The following GPC5 variants were observed in gnomAD, a reference collection of about 807,000 sequenced individuals.
GPC5 encodes glypican 5.
Under a neutral mutation model 53.9 loss-of-function variants are expected in GPC5, and 47 were observed. The observed-to-expected ratio is 0.87, with a 90% CI of 0.69 to 1.11. The LOEUF (loss-of-function observed/expected upper bound fraction) is 1.11. Ranked by LOEUF, GPC5 falls within the 50% of genes most tolerant of loss-of-function variation. GPC5 has a pLI of 0.00. For missense variants in GPC5, 748 were observed against 713.1 expected (o/e 1.05, Z -0.56); for synonymous variants, 286 against 263.3 (o/e 1.09, Z -0.84).
chr13:92,226,243 C>T (rs557395157), intron 7 of GPC5, among the ~76,000 whole-genome samples: 237 of 152,228 alleles, frequency 1.6e-3, no homozygotes, highest in Non-Finnish European at 2.6e-3. Flanking sequence ...TACCCAGTCT[C>T]GGGGAGTTTA....
intron 7 of GPC5, among the ~76,000 whole-genome samples, chr13:92,757,971 G>C (rs200201670): frequency 0.27 from 39,619 of 148,416 alleles, 6,428 homozygotes; most frequent in East Asian, 0.68. Context: ...ACCCAGCCAT[G>C]CCATTCCTGG....
intron 7 of GPC5, among the ~76,000 whole-genome samples, chr13:92,832,580 C>T (rs1878083535): frequency 6.6e-6 from 1 of 152,160 alleles, no homozygotes; most frequent in African/African-American, 2.4e-5. Context: ...GAAAATGCTG[C>T]TTAGTGCAGT....
At chr13:92,577,418 ATGTGTGTGTGTGTGTG>A (rs56162097) in intron 7 of GPC5, among the ~76,000 whole-genome samples, 1 of 145,346 alleles carries the variant, frequency 6.9e-6, no homozygotes, top group African/African-American at 2.5e-5. Flanking sequence ...ATGTATGTAT[ATGTGTGTGTGTGTGTG>A]TGTGTGTGTG....
chr13:91,786,733 A>C (rs577632381), intron 5 of GPC5, among the ~76,000 whole-genome samples: 1 of 152,298 alleles, frequency 6.6e-6, no homozygotes, highest in Non-Finnish European at 1.5e-5. Flanking sequence ...TGTTATATAC[A>C]ATGTGAATTC....
intron 7 of GPC5, among the ~76,000 whole-genome samples, chr13:92,697,006 G>A (rs1053378927): frequency 1.3e-5 from 2 of 152,072 alleles, no homozygotes; most frequent in Admixed American, 6.5e-5. Context: ...TCTGATGGTT[G>A]TAGATGTGTG....
At chr13:91,673,992 A>G (rs1018918065) in intron 2 of GPC5, among the ~76,000 whole-genome samples, 1 of 152,184 alleles carries the variant, frequency 6.6e-6, no homozygotes, top group African/African-American at 2.4e-5. Flanking sequence ...CAGATGTCCC[A>G]GACTAATATT....
chr13:91,850,113 C>A (rs747276258), intron 5 of GPC5, among the ~76,000 whole-genome samples: 1 of 152,110 alleles, frequency 6.6e-6, no homozygotes, highest in Admixed American at 6.6e-5. Flanking sequence ...AGTTACAACA[C>A]TAGTATTTGG....
At chr13:92,542,258 TA>T (rs1233401883) in intron 7 of GPC5, among the ~76,000 whole-genome samples, 11 of 152,074 alleles carry the variant, frequency 7.2e-5, no homozygotes, top group Admixed American at 2.6e-4. Flanking sequence ...TCTACAGTGC[TA>T]TGGAACACTA....
intron 1 of GPC5, among the ~76,000 whole-genome samples, chr13:91,438,958 G>A (rs753421382): frequency 3.3e-5 from 5 of 152,248 alleles, no homozygotes; most frequent in Non-Finnish European, 5.9e-5. Context: ...GACCCTCCGA[G>A]CCAGGTGCGG....
intron 2 of GPC5, among the ~76,000 whole-genome samples, chr13:91,476,700 A>G (rs889281609): frequency 2.0e-5 from 3 of 152,168 alleles, no homozygotes; most frequent in Admixed American, 6.6e-5. Context: ...CTCTACTCAC[A>G]CCAATTGAGA....
rs1041006578 is a variant in GPC5, at chr13:92,528,308, T to C, written c.1562-337974T>C. Among the ~76,000 whole-genome samples the C allele has an allele frequency of 1.1e-4, 16 of 152,246 alleles. 1 individual carries two copies. The highest frequency in any genetic ancestry group is 2.2e-4 in the Non-Finnish European group (15 of 67,982). The stretch of plus-strand genomic sequence containing the variant: ...TTTTATAAACTTTAAAAAAGAGGAT[T>C]TTGGCCATGCAGGTCCTTTTGACTA... On this transcript the variant is annotated intron_variant, in intron 7 of 7. Transcript: ENST00000377067.
chr13:92,004,463 TATA>T (rs1566389188), intron 6 of GPC5, among the ~76,000 whole-genome samples: 383 of 34,344 alleles, frequency 0.011, 3 homozygotes, highest in African/African-American at 0.023. Flanking sequence ...AAAAATTATA[TATA>T]TATATATATA....
chr13:92,493,751 G>A (rs1305500839), intron 7 of GPC5, among the ~76,000 whole-genome samples: 4 of 152,126 alleles, frequency 2.6e-5, no homozygotes, highest in Non-Finnish European at 5.9e-5. Context: ...AAAGCCTTTG[G>A]ATTCAGAAAG....
At chr13:91,530,173 C>T (rs73608315) in intron 2 of GPC5, among the ~76,000 whole-genome samples, 2,069 of 152,292 alleles carry the variant, frequency 0.014, 43 homozygotes, top group African/African-American at 0.044. Context: ...GGATCTTTAT[C>T]TTATGTAACA....
At chr13:91,990,834 G>C (rs915029974) in intron 6 of GPC5, among the ~76,000 whole-genome samples, 3 of 152,136 alleles carry the variant, frequency 2.0e-5, no homozygotes, top group Admixed American at 2.0e-4. Context: ...AATAGACATA[G>C]ATACAGCTAT....
At chr13:91,888,237 T>G (rs1425542788) in intron 5 of GPC5, among the ~76,000 whole-genome samples, 1 of 152,072 alleles carries the variant, frequency 6.6e-6, no homozygotes, top group Non-Finnish European at 1.5e-5. Context: ...CTTGTGAAAC[T>G]TATTCACGAT....
chr13:91,603,129 G>A (rs2033234292), intron 2 of GPC5, among the ~76,000 whole-genome samples: 1 of 152,224 alleles, frequency 6.6e-6, no homozygotes. Flanking sequence ...AGAGGACTAT[G>A]ACTGGCCATG....
At chr13:91,529,805 A>G (rs1886254857) in intron 2 of GPC5, among the ~76,000 whole-genome samples, 1 of 152,176 alleles carries the variant, frequency 6.6e-6, no homozygotes, top group African/African-American at 2.4e-5. Flanking sequence ...AGGCTGTGGA[A>G]CAAGGTCATT....
intron 1 of GPC5, among the ~76,000 whole-genome samples, chr13:91,433,140 A>G: frequency 6.6e-6 from 1 of 151,848 alleles, no homozygotes; most frequent in East Asian, 1.9e-4. Context: ...ACTTGAATAA[A>G]CCATACTTTT....
Sources: gnomAD v4.1 joint callset for allele counts (sites outside exome capture counted in the v4.1 genomes callset) on GRCh38, gnomAD v4.1.1 for gene constraint, MANE v1.5 for transcripts, NCBI Gene and HGNC (gene_info 2026-07-23, HGNC 2026-07-21) for gene names.